Variants in GALNT2 observed in about 807,000 individuals in gnomAD.
GALNT2 encodes the protein UDP-GalNAc:polypeptide N-acetylgalactosaminyltransferase 2.
In GALNT2, 31 loss-of-function variants were observed where a neutral mutation model predicts 81.4. The ratio of observed to expected loss-of-function variants is 0.38; its 90% CI spans 0.29 to 0.51. The LOEUF (loss-of-function observed/expected upper bound fraction) is 0.51, where lower values mean the gene tolerates loss of function less well. GALNT2 is among the 20% of genes least tolerant of loss of function. The pLI is 0.87. For missense variants in GALNT2, 629 were observed against 765.7 expected (o/e 0.82, Z 2.11); for synonymous variants, 303 against 287.4 (o/e 1.05, Z -0.55).
At chr1:230,175,021 C>T (rs1015369152) in intron 1 of GALNT2, among the ~76,000 whole-genome samples, 1 of 152,192 alleles carries the variant, frequency 6.6e-6, no homozygotes, top group Non-Finnish European at 1.5e-5. Flanking sequence ...CTTTGCACAG[C>T]ACAGGCCAAG....
chr1:230,069,587 GC>G (rs1459460780), intron 1 of GALNT2, among the ~76,000 whole-genome samples: 1 of 152,086 alleles, frequency 6.6e-6, no homozygotes, highest in Non-Finnish European at 1.5e-5. Flanking sequence ...GGTAAATAGA[GC>G]CCTGCTGTCA....
rs58639878 is a variant in GALNT2 at position 230,094,163 on chromosome 1, ATTTTTTTTTTTTTTTT to A, written c.126+26769_126+26784del. Among the ~76,000 whole-genome samples the A allele has an allele frequency of 3.4e-5, 4 of 119,378 alleles. No individual in the cohort carries two copies. In the East Asian group the frequency reaches 7.4e-4, roughly 22 times the overall value. The allele number at this position is 119,378 out of a possible 152,430, so 78.3% of individuals were successfully genotyped here. A position where few individuals can be genotyped will look rare whatever the true frequency, so the allele number is the denominator to read the frequency against. On this transcript the variant is annotated intron_variant, in intron 1 of 15. Transcript: ENST00000366672. The stretch of plus-strand genomic sequence containing the variant: ...CAGGTGTGTGCCACCATGCTGGCTA[ATTTTTTTTTTTTTTTT>A]TTTTTTTTTTTGGTAGAGATTGGGT...
At chr1:230,146,556 C>T (rs1438693980) in intron 1 of GALNT2, among the ~76,000 whole-genome samples, 2 of 152,170 alleles carry the variant, frequency 1.3e-5, no homozygotes, top group Non-Finnish European at 2.9e-5. Context: ...ACAACTCAGC[C>T]ACCTTATACC....
At position 230,211,117 on chromosome 1, in the gene GALNT2, A is replaced by T. The variant is rs1039997997; in HGVS notation, c.374+7827A>T. ...GGCTGGAGCTTTGTCCTTATGTTGT[A>T]CTTCTCGGCAGCTCGCGGCGTCTCA... On this transcript the variant is annotated intron_variant, in intron 3 of 15. Transcript: ENST00000366672. Among the ~76,000 whole-genome samples, 3 of 152,150 alleles carry T rather than the reference A, an allele frequency of 2.0e-5. No individual in the cohort carries two copies. In the South Asian group the frequency reaches 6.2e-4, roughly 32 times the overall value.
intron 1 of GALNT2, among the ~76,000 whole-genome samples, chr1:230,114,358 A>G (rs985802725): frequency 1.6e-4 from 24 of 152,366 alleles, no homozygotes; most frequent in African/African-American, 5.1e-4. Flanking sequence ...GAGCCCTGGA[A>G]GAAGAGAACA....
At chr1:230,249,795 A>C (rs1485882584) in intron 9 of GALNT2, among the ~76,000 whole-genome samples, 4 of 152,214 alleles carry the variant, frequency 2.6e-5, no homozygotes, top group African/African-American at 9.6e-5. Context: ...CGGTTAAGTG[A>C]GATAGCATTC....
Position 230,243,482 on chromosome 1 carries a change from AC to A in GALNT2, c.729+56del. 6.3e-7 allele frequency: 1 copy of A among 1,596,590 alleles called. No homozygotes were observed. The highest frequency in any genetic ancestry group is 8.5e-7 in the Non-Finnish European group (1 of 1,176,380). On this transcript the variant is annotated intron_variant, in intron 7 of 15. Coordinates refer to ENST00000366672, the MANE Select transcript of GALNT2 (RefSeq NM_004481.5). This position sits in a 1 kb window ranked among gnomAD's most constrained non-coding sequence, Gnocchi z 4.2. ...AGGTCGTGGGTGGTTGGTAGAGGGGACAGAAGGGAGCATGGTCCAGGGGAGG... is the reference window on the plus strand; with the variant it reads ...AGGTCGTGGGTGGTTGGTAGAGGGGAAGAAGGGAGCATGGTCCAGGGGAGG...
chr1:230,214,817 C>G (rs1237127254), intron 3 of GALNT2, among the ~76,000 whole-genome samples: 1 of 152,048 alleles, frequency 6.6e-6, no homozygotes, highest in Non-Finnish European at 1.5e-5. Flanking sequence ...ACTTTTTATT[C>G]TTTTTGATTC....
chr1:230,085,902 TTA>T (rs1368854324), intron 1 of GALNT2, among the ~76,000 whole-genome samples: 1 of 152,120 alleles, frequency 6.6e-6, no homozygotes, highest in Non-Finnish European at 1.5e-5. Context: ...GGAGATGGAT[TTA>T]TGTTTGTGAA....
At chr1:230,233,189 G>A (rs1021676159) in intron 3 of GALNT2, among the ~76,000 whole-genome samples, 49 of 152,172 alleles carry the variant, frequency 3.2e-4, no homozygotes, top group African/African-American at 7.2e-4. Flanking sequence ...TGTTTTTAGC[G>A]ATGGCTGAGT....
intron 1 of GALNT2, among the ~76,000 whole-genome samples, chr1:230,162,910 A>G (rs1662479312): frequency 6.6e-6 from 1 of 152,214 alleles, no homozygotes; most frequent in Non-Finnish European, 1.5e-5. Flanking sequence ...GTTGAACTTA[A>G]GCATGAGAAT....
chr1:230,127,938 C>T (rs959090231), intron 1 of GALNT2, among the ~76,000 whole-genome samples: 1 of 152,228 alleles, frequency 6.6e-6, no homozygotes, highest in African/African-American at 2.4e-5. Context: ...GCCGCTGTGG[C>T]CCTTGGTGCC....
At chr1:230,167,318 A>T (rs143489884) in intron 1 of GALNT2, among the ~76,000 whole-genome samples, 1 of 151,832 alleles carries the variant, frequency 6.6e-6, no homozygotes, top group Non-Finnish European at 1.5e-5. Flanking sequence ...GCTAATTTTT[A>T]AAATTTTTTG....
At chr1:230,096,612 T>C (rs980430021) in intron 1 of GALNT2, among the ~76,000 whole-genome samples, 1 of 152,186 alleles carries the variant, frequency 6.6e-6, no homozygotes, top group Non-Finnish European at 1.5e-5. Flanking sequence ...TCTCAATTCA[T>C]AATTAATTTC....
At chr1:230,265,436 T>C (rs1267528535) in intron 14 of GALNT2, 69 bp downstream of exon 14, 1 of 1,600,368 alleles carries the variant, frequency 6.2e-7, no homozygotes, top group Non-Finnish European at 8.5e-7. Flanking sequence ...GTCCTGATGT[T>C]AGAAGTCCCA....
chr1:230,124,819 G>A, intron 1 of GALNT2, among the ~76,000 whole-genome samples: 1 of 152,136 alleles, frequency 6.6e-6, no homozygotes, highest in Non-Finnish European at 1.5e-5. Context: ...GCAGACTAGG[G>A]TGGTGTGGCC....
intron 1 of GALNT2, among the ~76,000 whole-genome samples, chr1:230,107,370 C>G (rs1169975006): frequency 6.6e-6 from 1 of 152,032 alleles, no homozygotes; most frequent in African/African-American, 2.4e-5. Flanking sequence ...CCCAGGAGTT[C>G]GAGACCAGCC....
At chr1:230,223,191 CTT>C (rs68127660) in intron 3 of GALNT2, among the ~76,000 whole-genome samples, 11 of 139,184 alleles carry the variant, frequency 7.9e-5, no homozygotes, top group African/African-American at 7.9e-5. Flanking sequence ...TTTTTCTTTT[CTT>C]TTTTTTTTTT....
chr1:230,265,313 C>T lies in GALNT2; in HGVS notation c.1386C>T (p.His462=). 1 of 1,614,182 alleles carries T rather than the reference C, an allele frequency of 6.2e-7. No homozygotes were observed. The highest frequency in any genetic ancestry group is 8.5e-7 in the Non-Finnish European group (1 of 1,180,040). ...CTAACTGCCTCGACACTTTGGGACA[C>T]TTTGCTGATGGTGTGGTTGGAGTTT... is the stretch of plus-strand genomic sequence containing the variant. The part of the protein sequence containing the change: ...QGTNCLDTLG[H]FADGVVGVYE... Residue 462 remains histidine, a synonymous_variant, in exon 14 of 16, where the codon CAC becomes CAT. Transcript: ENST00000366672.
Sources: gnomAD v4.1 joint callset for allele counts (sites outside exome capture counted in the v4.1 genomes callset) on GRCh38, gnomAD v4.1.1 for gene constraint, Gnocchi (gnomAD v3.1) non-coding constraint, MANE v1.5 for transcripts, NCBI Gene and HGNC (gene_info 2026-07-23, HGNC 2026-07-21) for gene names.